ZNF343: variants seen among roughly 807,000 people sequenced by gnomAD.
ZNF343 encodes zinc finger protein 343.
ZNF343 carries 11 observed loss-of-function variants against 13.8 expected under a neutral mutation model. The observed-to-expected ratio is 0.80, with a 90% CI of 0.50 to 1.32. The LOEUF (loss-of-function observed/expected upper bound fraction) is 1.32. Ranked by LOEUF, ZNF343 falls within the 40% of genes most tolerant of loss-of-function variation. The pLI is 0.00. For synonymous variants in ZNF343, 248 were observed against 260.0 expected (o/e 0.95, Z 0.44); for missense variants, 658 against 714.2 (o/e 0.92, Z 0.90).
chr20:2,487,317 C>A (rs2085296882), intron 5 of ZNF343, among the ~76,000 whole-genome samples: 1 of 152,188 alleles, frequency 6.6e-6, no homozygotes. Flanking sequence ...CTTTCCATAG[C>A]CTTCCAGCCA....
At chr20:2,497,977 C>T (rs986529864) in intron 2 of ZNF343, among the ~76,000 whole-genome samples, 3 of 152,188 alleles carry the variant, frequency 2.0e-5, no homozygotes, top group African/African-American at 7.2e-5. Context: ...AGTTGTTAGG[C>T]ACTGTGTCAG....
intron 1 of ZNF343, among the ~76,000 whole-genome samples, chr20:2,522,991 T>C (rs915058374): frequency 6.6e-6 from 1 of 152,188 alleles, no homozygotes; most frequent in African/African-American, 2.4e-5. Flanking sequence ...TTAGGCATTT[T>C]AAGTCATAGG....
Position 2,484,323 on chromosome 20 carries a change from G to A in ZNF343, c.638C>T (p.Thr213Ile), listed in dbSNP as rs905449921. 3.7e-6 allele frequency: 6 copies of A among 1,614,220 alleles called. No homozygotes were observed. In the Admixed American group the frequency reaches 5.0e-5, roughly 13 times the overall value. The change falls in exon 6 of 6, where the codon ACA (threonine) becomes ATA (isoleucine). Residue 213 changes from threonine to isoleucine, a missense_variant. Physicochemically the swap from Thr to Ile is moderately conservative, Grantham distance 89. Coordinates refer to ENST00000278772, the MANE Select transcript of ZNF343 (RefSeq NM_024325.6). ...SPRKGNMVVE[T>I]EPSSAQRPNP... is the part of the protein sequence containing the mutation. ...TGGTCTTTGGGCTGAGCTGGGCTCT[G>A]TTTCTACCACCATGTTGCCTTTTCT...
intron 5 of ZNF343, among the ~76,000 whole-genome samples, chr20:2,487,361 C>T (rs1268758619): frequency 6.6e-6 from 1 of 152,150 alleles, no homozygotes. Flanking sequence ...TAACCAATCT[C>T]ATTAGTTTCT....
chr20:2,484,658 T>C lies in ZNF343; in HGVS notation c.305-2A>G. On this transcript the variant is annotated splice_acceptor_variant, in intron 5 of 5. Transcript: ENST00000278772. LOFTEE classifies it high-confidence loss of function. ...TGTAGATTTCTGGCTTTGGTTCTGC[T>C]GAAGAATGAAAGTTTTCTGTTAGAG... 1 of 1,576,542 alleles carries C rather than the reference T, an allele frequency of 6.3e-7. No individual in the cohort carries two copies. Among genetic ancestry groups the C allele is most frequent in the Non-Finnish European group, 8.6e-7 (1 of 1,161,918 alleles).
Position 2,483,351 on chromosome 20 carries a change from A to G in ZNF343, c.1610T>C (p.Ile537Thr). ...TCCTGAGTGTGTCCTCTCATGTACA[A>G]TGAGGGTTGACTTGTCACAAAAGCC... ...GRGFCDKSTL[I>T]VHERTHSGEK... is the part of the protein sequence containing the mutation. Residue 537 changes from isoleucine (I) to threonine (T), a missense_variant, in exon 6 of 6, where the codon ATT becomes ACT. Physicochemically the swap from Ile to Thr is moderately conservative, Grantham distance 89. Transcript: ENST00000278772. 6.2e-7 allele frequency: 1 copy of G among 1,611,226 alleles called. No homozygotes were observed. Among genetic ancestry groups the G allele is most frequent in the South Asian group, 1.1e-5 (1 of 90,820 alleles).
chr20:2,519,753 G>T (rs969772411), intron 1 of ZNF343, among the ~76,000 whole-genome samples: 1 of 152,132 alleles, frequency 6.6e-6, no homozygotes, highest in African/African-American at 2.4e-5. Context: ...CATTTGAGAT[G>T]TTCCTGAACC....
At chr20:2,514,802 C>T (rs1181171465) in intron 1 of ZNF343, among the ~76,000 whole-genome samples, 1 of 151,828 alleles carries the variant, frequency 6.6e-6, no homozygotes, top group Non-Finnish European at 1.5e-5. Context: ...GCTAATATGG[C>T]GAAACCCCAT....
intron 1 of ZNF343, among the ~76,000 whole-genome samples, chr20:2,522,819 C>T (rs73085383): frequency 0.011 from 1,675 of 152,214 alleles, 9 homozygotes; most frequent in Middle Eastern, 0.044. Flanking sequence ...GGTGTAGTAG[C>T]TTGTGCCTGT....
In ZNF343 at chr20:2,481,917, A is replaced by G. The variant is rs945842398; in HGVS notation, c.*1244T>C. 4 of 152,202 alleles carry G rather than the reference A, an allele frequency of 2.6e-5. No homozygotes were observed. The highest frequency in any genetic ancestry group is 9.7e-5 in the African/African-American group (4 of 41,444). The allele number at this position is 152,202 out of a possible 1,614,324, so 9.4% of individuals were successfully genotyped here. A position where few individuals can be genotyped will look rare whatever the true frequency, so the allele number is the denominator to read the frequency against. On this transcript the variant is annotated 3_prime_UTR_variant, in exon 6 of 6. Coordinates refer to ENST00000278772, the MANE Select transcript of ZNF343 (RefSeq NM_024325.6). Reference sequence around the variant, plus strand: ...CAGTTACTGCCATCTTCGCTCACATACAGAGTACATGGGGGAGTCAAGACA... The same window carrying G: ...CAGTTACTGCCATCTTCGCTCACATGCAGAGTACATGGGGGAGTCAAGACA...
chr20:2,517,187 T>C (rs2085762827), intron 1 of ZNF343, among the ~76,000 whole-genome samples: 1 of 152,206 alleles, frequency 6.6e-6, no homozygotes, highest in Admixed American at 6.5e-5. Flanking sequence ...CCAAGCTGTT[T>C]ATGTCAAACG....
intron 1 of ZNF343, among the ~76,000 whole-genome samples, chr20:2,519,383 C>T (rs2085773246): frequency 6.6e-6 from 1 of 152,198 alleles, no homozygotes; most frequent in East Asian, 1.9e-4. Context: ...CTGACCTTCA[C>T]ACTCACACTG....
chr20:2,487,036 C>T (rs2085292184), intron 5 of ZNF343, among the ~76,000 whole-genome samples: 1 of 152,186 alleles, frequency 6.6e-6, no homozygotes, highest in African/African-American at 2.4e-5. Context: ...TTTACAAAAA[C>T]AGGCAGTGAG....
At chr20:2,493,637 T>G in intron 3 of ZNF343, 60 bp from the exon 4 acceptor site, 7 of 854,794 alleles carry the variant, frequency 8.2e-6, no homozygotes, top group Non-Finnish European at 1.0e-5. Context: ...CCCCCCACCA[T>G]GACGCTCCCT....
At chr20:2,505,738 T>C (rs2085645246) in intron 1 of ZNF343, among the ~76,000 whole-genome samples, 1 of 152,174 alleles carries the variant, frequency 6.6e-6, no homozygotes, top group Non-Finnish European at 1.5e-5. Flanking sequence ...TGGCTAGCCA[T>C]ATGTAGAAAG....
At chr20:2,517,997 A>AT (rs1026788039) in intron 1 of ZNF343, among the ~76,000 whole-genome samples, 38 of 149,474 alleles carry the variant, frequency 2.5e-4, no homozygotes, top group East Asian at 2.0e-3. Context: ...TCAAAGGTTT[A>AT]TTTTTTTTTC....
At chr20:2,524,951 G>C (rs2085798745), upstream of ZNF343, among the ~76,000 whole-genome samples, 1 of 152,192 alleles carries the variant, frequency 6.6e-6, no homozygotes, top group Admixed American at 6.5e-5. Context: ...TTCGAAAGCG[G>C]AGTCCCCCTC....
At chr20:2,514,778 T>TG (rs2085752008) in intron 1 of ZNF343, among the ~76,000 whole-genome samples, 1 of 152,144 alleles carries the variant, frequency 6.6e-6, no homozygotes, top group Non-Finnish European at 1.5e-5. Context: ...AGCCAGGAGT[T>TG]GAAGACCAGC....
At position 2,483,867 on chromosome 20, in the gene ZNF343, T is replaced by G; in HGVS notation, c.1094A>C (p.Lys365Thr). ...CCTCTGGTGTCTGATGAAGGATGAC[T>G]TCTCGCTAAAGCCTCGCCCACACTC... The part of the protein sequence containing the change: ...CSECGRGFSE[K>T]SSFIRHQRTH... The change falls in exon 6 of 6, where the codon AAG becomes ACG. Residue 365 changes from lysine (K) to threonine (T), a missense_variant. Coordinates refer to ENST00000278772, the MANE Select transcript of ZNF343 (RefSeq NM_024325.6). 6.2e-7 allele frequency: 1 copy of G among 1,614,144 alleles called. No individual in the cohort carries two copies. Among genetic ancestry groups the G allele is most frequent in the South Asian group, 1.1e-5 (1 of 91,088 alleles).
Sources: gnomAD v4.1 joint callset for allele counts (sites outside exome capture counted in the v4.1 genomes callset) on GRCh38, gnomAD v4.1.1 for gene constraint, MANE v1.5 for transcripts, NCBI Gene and HGNC (gene_info 2026-07-23, HGNC 2026-07-21) for gene names.